GPR63: variants seen among roughly 807,000 people sequenced by gnomAD.
The protein encoded by GPR63 is probable G protein-coupled receptor 63.
A neutral mutation model predicts 23.1 loss-of-function variants in GPR63; 12 were observed. The ratio of observed to expected loss-of-function variants is 0.52; its 90% confidence interval spans 0.33 to 0.84. GPR63 has a LOEUF of 0.84. Ranked by LOEUF, GPR63 falls within the 40% of genes least tolerant of loss-of-function variation. GPR63 has a pLI of 0.02. For missense variants in GPR63, 472 were observed against 515.6 expected, an observed-to-expected ratio of 0.92 and a Z score of 0.82; for synonymous variants, 172 against 191.1, an observed-to-expected ratio of 0.90 and a Z score of 0.82.
At chr6:96,826,809 A>C (rs1774449330) in intron 1 of GPR63, among the ~76,000 whole-genome samples, 1 of 152,166 alleles carries the variant, frequency 6.6e-6, no homozygotes, top group African/African-American at 2.4e-5. Context: ...ATTTTATTGC[A>C]TGAAGAAAAT....
At chr6:96,835,691 G>C (rs1175092533) in intron 1 of GPR63, among the ~76,000 whole-genome samples, 1 of 152,144 alleles carries the variant, frequency 6.6e-6, no homozygotes, top group African/African-American at 2.4e-5. Flanking sequence ...AAATGCTTGA[G>C]ATGGTGGGTT....
intron 1 of GPR63, among the ~76,000 whole-genome samples, chr6:96,824,887 A>C (rs1306865729): frequency 6.6e-6 from 1 of 152,160 alleles, no homozygotes; most frequent in Non-Finnish European, 1.5e-5. Context: ...GCAAGATTAC[A>C]AAGAGCTGAC....
intron 1 of GPR63, among the ~76,000 whole-genome samples, chr6:96,801,445 C>T (rs1314131079): frequency 1.7e-4 from 26 of 152,272 alleles, no homozygotes; most frequent in African/African-American, 5.3e-4. Context: ...GTGATCCACC[C>T]GCCTCAGCTT....
intron 1 of GPR63, among the ~76,000 whole-genome samples, chr6:96,820,999 A>G (rs1774300801): frequency 2.0e-5 from 3 of 152,150 alleles, no homozygotes; most frequent in East Asian, 1.9e-4. Context: ...ACAATAGTCT[A>G]TCTATTGAGC....
intron 1 of GPR63, among the ~76,000 whole-genome samples, chr6:96,825,045 AC>A (rs1582273656): frequency 6.6e-6 from 1 of 152,160 alleles, no homozygotes; most frequent in African/African-American, 2.4e-5. Flanking sequence ...TATAAATATC[AC>A]TGCTTAAACT....
intron 1 of GPR63, among the ~76,000 whole-genome samples, chr6:96,829,338 C>A (rs1774522302): frequency 6.6e-6 from 1 of 152,148 alleles, no homozygotes; most frequent in East Asian, 1.9e-4. Context: ...ACAACCACAA[C>A]AAAATATGCT....
At chr6:96,835,055 G>C (rs2127963899) in intron 1 of GPR63, among the ~76,000 whole-genome samples, 1 of 152,296 alleles carries the variant, frequency 6.6e-6, no homozygotes, top group South Asian at 2.1e-4. Context: ...CTTAAGAAAT[G>C]CCTGGTTCAA....
chr6:96,809,253 C>G (rs924041804), intron 1 of GPR63, among the ~76,000 whole-genome samples: 2 of 152,148 alleles, frequency 1.3e-5, no homozygotes, highest in African/African-American at 2.4e-5. Flanking sequence ...ATCCTGCTAT[C>G]TTTGCCTCCC....
At chr6:96,818,475 A>T (rs1052921078) in intron 1 of GPR63, among the ~76,000 whole-genome samples, 13 of 152,146 alleles carry the variant, frequency 8.5e-5, no homozygotes, top group South Asian at 2.1e-4. Context: ...AAAAAAAAAA[A>T]TTTTCATGTA....
chr6:96,834,746 G>A (rs1019958235), intron 1 of GPR63, among the ~76,000 whole-genome samples: 5 of 152,164 alleles, frequency 3.3e-5, no homozygotes, highest in African/African-American at 9.7e-5. Context: ...GCTGTGAAAT[G>A]TGGTAACAAA....
intron 1 of GPR63, among the ~76,000 whole-genome samples, chr6:96,828,621 A>G (rs894676838): frequency 6.6e-6 from 1 of 151,890 alleles, no homozygotes; most frequent in Admixed American, 6.6e-5. Flanking sequence ...AAGGCAAGAA[A>G]GGAAAGAAGA....
intron 1 of GPR63, among the ~76,000 whole-genome samples, chr6:96,801,597 A>C (rs1044492187): frequency 9.2e-5 from 14 of 152,206 alleles, no homozygotes; most frequent in African/African-American, 3.4e-4. Flanking sequence ...AAGATCCAGC[A>C]ATGTAGCCAA....
intron 1 of GPR63, among the ~76,000 whole-genome samples, chr6:96,809,882 G>A (rs1178144939): frequency 1.3e-5 from 2 of 152,116 alleles, no homozygotes; most frequent in Admixed American, 6.5e-5. Context: ...ATAGGTTGGT[G>A]AATTAAATAA....
chr6:96,807,414 C>T (rs747057992), intron 1 of GPR63, among the ~76,000 whole-genome samples: 7 of 152,214 alleles, frequency 4.6e-5, no homozygotes, highest in Non-Finnish European at 7.3e-5. Context: ...GAGACACTAG[C>T]CAGCTACTTG....
intron 1 of GPR63, among the ~76,000 whole-genome samples, chr6:96,814,949 C>T (rs1774127298): frequency 6.6e-6 from 1 of 152,178 alleles, no homozygotes; most frequent in East Asian, 1.9e-4. Context: ...ATCTCAGACA[C>T]AATTTTCATA....
intron 1 of GPR63, among the ~76,000 whole-genome samples, chr6:96,809,778 C>T (rs1256309666): frequency 6.6e-6 from 1 of 152,116 alleles, no homozygotes; most frequent in African/African-American, 2.4e-5. Flanking sequence ...AGTCTTGGCC[C>T]TTGCATTCAT....
intron 1 of GPR63, among the ~76,000 whole-genome samples, chr6:96,800,673 GTC>G (rs1773740484): frequency 6.6e-6 from 1 of 152,058 alleles, no homozygotes; most frequent in South Asian, 2.1e-4. Context: ...GCTTCTCATA[GTC>G]TCTCTTCTCT....
chr6:96,807,603 G>GAAAGCTAAT (rs1268996201), intron 1 of GPR63, among the ~76,000 whole-genome samples: 1 of 152,126 alleles, frequency 6.6e-6, no homozygotes, highest in Non-Finnish European at 1.5e-5. Context: ...AAAGTAATCA[G>GAAAGCTAAT]AAAGCTAATA....
intron 1 of GPR63, among the ~76,000 whole-genome samples, chr6:96,825,362 T>C (rs1212696016): frequency 1.3e-5 from 2 of 152,000 alleles, no homozygotes; most frequent in Non-Finnish European, 2.9e-5. Context: ...AGAAACAACA[T>C]TCAGTGAAAT....
Sources: allele counts gnomAD v4.1 joint callset (sites outside exome capture counted in the v4.1 genomes callset), GRCh38; gene constraint gnomAD v4.1.1; transcripts MANE v1.5; gene names NCBI Gene and HGNC (gene_info 2026-07-23, HGNC 2026-07-21).